The following CTNND2 variants were observed in gnomAD, a reference collection of about 807,000 sequenced individuals.
The protein encoded by CTNND2 is catenin delta-2.
CTNND2 carries 22 observed loss-of-function variants against 144.4 expected under a neutral mutation model. The ratio of observed to expected loss-of-function variants is 0.15; its 90% confidence interval spans 0.11 to 0.22. The LOEUF is 0.22. CTNND2 is among the 10% of genes least tolerant of loss of function. The pLI, the probability that CTNND2 is intolerant of heterozygous loss-of-function variation, is 1.00. For synonymous variants in CTNND2, 751 were observed against 695.6 expected (o/e 1.08, Z -1.25); for missense variants, 1,353 against 1,618.8 (o/e 0.84, Z 2.82).
intron 7 of CTNND2, among the ~76,000 whole-genome samples, chr5:11,366,169 T>C (rs1756962151): frequency 6.6e-6 from 1 of 152,220 alleles, no homozygotes; most frequent in South Asian, 2.1e-4. Flanking sequence ...ATGTTAGGTC[T>C]GTTTTGTCAG....
intron 2 of CTNND2, among the ~76,000 whole-genome samples, chr5:11,620,141 C>T (rs546107221): frequency 6.6e-6 from 1 of 152,194 alleles, no homozygotes; most frequent in South Asian, 2.1e-4. Context: ...TGAATAATGG[C>T]TAATAGGTAT....
At chr5:11,736,709 T>C (rs1375855776) in intron 1 of CTNND2, among the ~76,000 whole-genome samples, 1 of 152,172 alleles carries the variant, frequency 6.6e-6, no homozygotes, top group Non-Finnish European at 1.5e-5. Context: ...TAGTATTTAA[T>C]CTGTGCAACC....
At chr5:11,700,448 C>G (rs968930773) in intron 2 of CTNND2, among the ~76,000 whole-genome samples, 2 of 152,086 alleles carry the variant, frequency 1.3e-5, no homozygotes, top group Admixed American at 6.6e-5. Context: ...GTGAGTGTTC[C>G]GACCCTGAGG....
intron 9 of CTNND2, among the ~76,000 whole-genome samples, chr5:11,332,368 C>T (rs1219239437): frequency 2.0e-5 from 3 of 151,898 alleles, no homozygotes; most frequent in Non-Finnish European, 4.4e-5. Context: ...GGCCTGGGTG[C>T]TGCCTCCCTG....
At chr5:11,738,699 T>A (rs1196366051) in intron 1 of CTNND2, among the ~76,000 whole-genome samples, 1 of 152,250 alleles carries the variant, frequency 6.6e-6, no homozygotes, top group Middle Eastern at 3.2e-3. Context: ...AAATAACTGA[T>A]GATGTCTGTA....
intron 2 of CTNND2, among the ~76,000 whole-genome samples, chr5:11,680,323 C>T (rs560119476): frequency 2.0e-5 from 3 of 152,184 alleles, no homozygotes; most frequent in Non-Finnish European, 4.4e-5. Flanking sequence ...AACAATTTTG[C>T]CCCCCACCCA....
chr5:11,135,159 G>A (rs1021871119), intron 12 of CTNND2, among the ~76,000 whole-genome samples: 4 of 152,180 alleles, frequency 2.6e-5, no homozygotes, highest in African/African-American at 9.7e-5. Context: ...GAAGGCTCGT[G>A]CCCTCCACCA....
chr5:11,484,304 T>C (rs1052544444), intron 3 of CTNND2, among the ~76,000 whole-genome samples: 1 of 152,162 alleles, frequency 6.6e-6, no homozygotes, highest in Non-Finnish European at 1.5e-5. Flanking sequence ...TACGCATAGT[T>C]GAATTTGGCT....
chr5:11,490,340 T>C (rs1233282437), intron 3 of CTNND2, among the ~76,000 whole-genome samples: 1 of 152,226 alleles, frequency 6.6e-6, no homozygotes, highest in Non-Finnish European at 1.5e-5. Context: ...TTATGTGCTA[T>C]TTATAAAACA....
chr5:11,098,965 T>C (rs918447281), intron 14 of CTNND2, among the ~76,000 whole-genome samples: 2 of 151,790 alleles, frequency 1.3e-5, no homozygotes, highest in Admixed American at 6.6e-5. Flanking sequence ...GGAGGGTGGG[T>C]TGGTGTATGC....
intron 1 of CTNND2, among the ~76,000 whole-genome samples, chr5:11,873,032 C>A (rs1735277151): frequency 6.6e-6 from 1 of 152,142 alleles, no homozygotes; most frequent in African/African-American, 2.4e-5. Context: ...TTCTGCGCAG[C>A]AAAAGAAACT....
intron 9 of CTNND2, among the ~76,000 whole-genome samples, chr5:11,284,949 T>G (rs1191303797): frequency 6.6e-6 from 1 of 152,252 alleles, no homozygotes; most frequent in African/African-American, 2.4e-5. Flanking sequence ...TCTGGTGGCC[T>G]GACAGAGCCC....
intron 20 of CTNND2, among the ~76,000 whole-genome samples, chr5:10,983,034 G>T (rs1737490307): frequency 6.6e-6 from 1 of 152,174 alleles, no homozygotes; most frequent in African/African-American, 2.4e-5. Flanking sequence ...AATAAGAGGG[G>T]ATGGTTAATG....
At chr5:11,555,446 A>C (rs184985008) in intron 3 of CTNND2, among the ~76,000 whole-genome samples, 4 of 152,280 alleles carry the variant, frequency 2.6e-5, no homozygotes, top group African/African-American at 9.6e-5. Context: ...ACTACAAAAA[A>C]AGAGAGGTTT....
At chr5:11,478,959 G>T (rs555888927) in intron 3 of CTNND2, among the ~76,000 whole-genome samples, 29 of 151,986 alleles carry the variant, frequency 1.9e-4, no homozygotes, top group African/African-American at 6.3e-4. Flanking sequence ...TACTAGAAAG[G>T]GTTCTATTAT....
intron 2 of CTNND2, among the ~76,000 whole-genome samples, chr5:11,593,929 G>C (rs946399726): frequency 6.6e-6 from 1 of 151,462 alleles, no homozygotes; most frequent in Non-Finnish European, 1.5e-5. Context: ...TGCCCAAATT[G>C]GCAAGTATTG....
chr5:11,689,711 C>T (rs1005838963), intron 2 of CTNND2, among the ~76,000 whole-genome samples: 7 of 151,768 alleles, frequency 4.6e-5, no homozygotes, highest in Non-Finnish European at 8.8e-5. Flanking sequence ...TATTTTGACA[C>T]TTGAGAAGCA....
chr5:11,117,571 CA>C lies in CTNND2; in HGVS notation c.2160-5del. The C allele has an allele frequency of 6.2e-7, 1 of 1,611,784 alleles. No homozygotes were observed. Among genetic ancestry groups the C allele is most frequent in the African/African-American group, 1.3e-5 (1 of 74,972 alleles). ...CTCTCCGGCCGAACTAACATTCCTGCAAAGCAAAAGGACACGTCAGCGATCT... is the reference window on the plus strand; with the variant it reads ...CTCTCCGGCCGAACTAACATTCCTGCAAGCAAAAGGACACGTCAGCGATCT... On this transcript the variant is annotated splice_polypyrimidine_tract_variant and splice_region_variant and intron_variant, in intron 12 of 21. Coordinates refer to ENST00000304623, the MANE Select transcript of CTNND2 (RefSeq NM_001332.4).
intron 3 of CTNND2, among the ~76,000 whole-genome samples, chr5:11,456,885 A>T (rs1765780018): frequency 6.6e-6 from 1 of 152,154 alleles, no homozygotes; most frequent in Non-Finnish European, 1.5e-5. Context: ...TCTAAATGAA[A>T]ATCTAGAACT....
Sources: allele counts gnomAD v4.1 joint callset (sites outside exome capture counted in the v4.1 genomes callset), GRCh38; gene constraint gnomAD v4.1.1; transcripts MANE v1.5; gene names NCBI Gene and HGNC (gene_info 2026-07-23, HGNC 2026-07-21).